RASAL2: variants seen among roughly 807,000 people sequenced by gnomAD.
RASAL2 encodes the protein ras GTPase-activating protein nGAP.
In RASAL2, 58 loss-of-function variants were observed where a neutral mutation model predicts 128.9. That is an observed-to-expected ratio of 0.45 (90% CI 0.36 to 0.56). The LOEUF (loss-of-function observed/expected upper bound fraction) is 0.56, where lower values mean the gene tolerates loss of function less well. Among genes scored for constraint, RASAL2 ranks in the 20% least tolerant of loss-of-function variants. The pLI is 0.00. For synonymous variants in RASAL2, 561 were observed against 580.8 expected (o/e 0.97, Z 0.49); for missense variants, 1,360 against 1,601.6 (o/e 0.85, Z 2.57).
At chr1:178,381,531 AT>A (rs1201936321) in intron 3 of RASAL2, among the ~76,000 whole-genome samples, 1 of 152,056 alleles carries the variant, frequency 6.6e-6, no homozygotes, top group Non-Finnish European at 1.5e-5. Flanking sequence ...TCATGTGCAT[AT>A]TTAGTTCTTG....
At chr1:178,160,574 G>A (rs1195963527) in intron 1 of RASAL2, among the ~76,000 whole-genome samples, 1 of 152,208 alleles carries the variant, frequency 6.6e-6, no homozygotes, top group Non-Finnish European at 1.5e-5. Context: ...GGCGGAGGTT[G>A]CAGTGAGCCG....
At chr1:178,196,777 G>A (rs2101957878) in intron 1 of RASAL2, among the ~76,000 whole-genome samples, 1 of 152,250 alleles carries the variant, frequency 6.6e-6, no homozygotes, top group East Asian at 1.9e-4. Flanking sequence ...CTTCAAGTGA[G>A]ACCTCATAAG....
chr1:178,365,840 G>A (rs1057155550), intron 3 of RASAL2, among the ~76,000 whole-genome samples: 5 of 152,172 alleles, frequency 3.3e-5, no homozygotes, highest in South Asian at 2.1e-4. Flanking sequence ...TTGAATGTCC[G>A]TAAGTTCAAT....
chr1:178,357,823 A>G (rs1025813174), intron 3 of RASAL2, among the ~76,000 whole-genome samples: 1 of 152,036 alleles, frequency 6.6e-6, no homozygotes, highest in African/African-American at 2.4e-5. Context: ...TATTTTTGCT[A>G]TAGTTTATTT....
chr1:178,165,808 C>T (rs1042282443), intron 1 of RASAL2, among the ~76,000 whole-genome samples: 1 of 152,136 alleles, frequency 6.6e-6, no homozygotes, highest in African/African-American at 2.4e-5. Context: ...GATAAAGAAG[C>T]TGAGGTCCAG....
chr1:178,367,219 T>TC (rs1487411253), intron 3 of RASAL2, among the ~76,000 whole-genome samples: 2 of 152,178 alleles, frequency 1.3e-5, no homozygotes, highest in Non-Finnish European at 2.9e-5. Flanking sequence ...TTTTACTTTT[T>TC]CCCTCTCATT....
At chr1:178,137,989 G>A (rs1291680621) in intron 1 of RASAL2, among the ~76,000 whole-genome samples, 2 of 152,218 alleles carry the variant, frequency 1.3e-5, no homozygotes, top group African/African-American at 4.8e-5. Context: ...GATTGCCAAA[G>A]GCATTGTGGA....
In RASAL2 at chr1:178,213,504, C is replaced by T. The variant is rs139138517; in HGVS notation, c.203-70060C>T. Among the ~76,000 whole-genome samples the T allele has an allele frequency of 1.3e-4, 20 of 152,166 alleles. No individual in the cohort carries two copies. The East Asian group carries it at 3.3e-3, about 25-fold the overall frequency. On this transcript the variant is annotated intron_variant, in intron 1 of 17. Transcript: ENST00000367649. ...AAACTGGATACGATCAAATGTTCAT[C>T]AACAGTGGAACAGTTAAATTATGAT...
chr1:178,455,104 A>C (rs1041397056), intron 12 of RASAL2, among the ~76,000 whole-genome samples: 12 of 152,266 alleles, frequency 7.9e-5, no homozygotes, highest in African/African-American at 2.9e-4. Flanking sequence ...ATAGAGTTTC[A>C]TATAATTATT....
chr1:178,441,657 G>A lies in RASAL2; in HGVS notation c.927+10G>A, dbSNP rs780016378. 4.1e-5 allele frequency: 65 copies of A among 1,589,868 alleles called. No individual in the cohort carries two copies. The highest frequency in any genetic ancestry group is 5.3e-5 in the Non-Finnish European group (61 of 1,159,500). On this transcript the variant is annotated intron_variant, in intron 7 of 17. Transcript: ENST00000367649. ...AGTTCAACCTAATAAGGTAATAGTA[G>A]CTTCAAGTATCTAAAAAATGTATAA...
At chr1:178,114,402 A>G (rs1659449242) in intron 1 of RASAL2, among the ~76,000 whole-genome samples, 1 of 152,092 alleles carries the variant, frequency 6.6e-6, no homozygotes. Flanking sequence ...GAGCTTTTTT[A>G]AATTTTAAAT....
intron 1 of RASAL2, among the ~76,000 whole-genome samples, chr1:178,249,221 G>A (rs1349641100): frequency 6.6e-6 from 1 of 151,912 alleles, no homozygotes; most frequent in East Asian, 1.9e-4. Flanking sequence ...CATATTTCTT[G>A]GAGGCTTTGT....
intron 3 of RASAL2, among the ~76,000 whole-genome samples, chr1:178,343,772 G>A (rs1401651313): frequency 6.6e-6 from 1 of 151,936 alleles, no homozygotes; most frequent in Non-Finnish European, 1.5e-5. Flanking sequence ...GTCAGATTAT[G>A]CAGGTTCATA....
intron 4 of RASAL2, among the ~76,000 whole-genome samples, chr1:178,402,610 GA>G (rs1327681844): frequency 1.3e-5 from 2 of 151,962 alleles, no homozygotes. Context: ...TTATCCTTAG[GA>G]AAAAACAAAT....
intron 1 of RASAL2, among the ~76,000 whole-genome samples, chr1:178,271,039 A>G (rs1230577811): frequency 6.6e-6 from 1 of 152,128 alleles, no homozygotes; most frequent in African/African-American, 2.4e-5. Flanking sequence ...CTCCCAGGAG[A>G]GCAAACCTCC....
At chr1:178,266,021 A>ATT (rs2102151763) in intron 1 of RASAL2, among the ~76,000 whole-genome samples, 1 of 152,070 alleles carries the variant, frequency 6.6e-6, no homozygotes, top group Non-Finnish European at 1.5e-5. Context: ...TTTATTTTGG[A>ATT]TTGTTTCTAG....
At chr1:178,129,539 G>A (rs79457820) in intron 1 of RASAL2, among the ~76,000 whole-genome samples, 8,906 of 151,878 alleles carry the variant, frequency 0.059, 340 homozygotes, top group Non-Finnish European at 0.091. Context: ...TTTAGTGTGT[G>A]GCCTGTTTAT....
intron 1 of RASAL2, among the ~76,000 whole-genome samples, chr1:178,227,985 G>A (rs1450740406): frequency 6.6e-6 from 1 of 152,096 alleles, no homozygotes; most frequent in East Asian, 1.9e-4. Flanking sequence ...AGAAAATTCA[G>A]AAAATGAAGT....
At chr1:178,189,249 G>A (rs187698018) in intron 1 of RASAL2, among the ~76,000 whole-genome samples, 7 of 152,186 alleles carry the variant, frequency 4.6e-5, no homozygotes, top group Admixed American at 4.6e-4. Flanking sequence ...CACAAATTTT[G>A]TTAAATAAAA....
Sources: gnomAD v4.1 joint callset for allele counts (sites outside exome capture counted in the v4.1 genomes callset) on GRCh38, gnomAD v4.1.1 for gene constraint, MANE v1.5 for transcripts, NCBI Gene and HGNC (gene_info 2026-07-23, HGNC 2026-07-21) for gene names.